DCUN1D1: variants seen among roughly 807,000 people sequenced by gnomAD.
The protein encoded by DCUN1D1 is DCN1-like protein 1.
In DCUN1D1, 3 loss-of-function variants were observed where a neutral mutation model predicts 39.0. The ratio of observed to expected loss-of-function variants is 0.08; its 90% confidence interval spans 0.04 to 0.20. The LOEUF is 0.20. DCUN1D1 is among the 10% of genes least tolerant of loss of function. DCUN1D1 has a pLI of 1.00. For synonymous variants in DCUN1D1, 82 were observed against 96.3 expected, an observed-to-expected ratio of 0.85 and a Z score of 0.87; for missense variants, 158 against 302.4, an observed-to-expected ratio of 0.52 and a Z score of 3.54.
At chr3:182,969,732 C>A (rs1727839919) in intron 1 of DCUN1D1, among the ~76,000 whole-genome samples, 1 of 151,960 alleles carries the variant, frequency 6.6e-6, no homozygotes, top group Admixed American at 6.6e-5. Flanking sequence ...TGCTTTTTAA[C>A]CCCAGCAAAA....
At chr3:182,981,587 CAG>C (rs10584271), upstream of DCUN1D1, among the ~76,000 whole-genome samples, 4,938 of 152,276 alleles carry the variant, frequency 0.032, 269 homozygotes, top group African/African-American at 0.11. Flanking sequence ...CAAACTCACT[CAG>C]AAAGTCACAT....
upstream of DCUN1D1, among the ~76,000 whole-genome samples, chr3:182,984,642 C>T (rs1728668138): frequency 1.3e-5 from 2 of 152,036 alleles, no homozygotes; most frequent in South Asian, 2.1e-4. Flanking sequence ...TCACTGTATA[C>T]CTAAAACGAT....
At chr3:182,980,569 C>T, upstream of DCUN1D1, 1 of 1,161,966 alleles carries the variant, frequency 8.6e-7, no homozygotes, top group South Asian at 2.6e-5. Flanking sequence ...GCTCCTCTCA[C>T]GGGCTTGCCC....
chr3:182,985,381 C>G (rs1327983466), upstream of DCUN1D1: 2 of 152,592 alleles, frequency 1.3e-5, no homozygotes, highest in African/African-American at 2.4e-5. Flanking sequence ...GTAATCCCAG[C>G]ACTTTGGGAG....
intron 5 of DCUN1D1, 46 bp from the exon 6 acceptor site, chr3:182,947,380 G>T: frequency 7.4e-7 from 1 of 1,360,336 alleles, no homozygotes; most frequent in Non-Finnish European, 1.0e-6. Context: ...ACTAAAAAGA[G>T]CTGCACAAAA....
chr3:182,977,545 C>A (rs1164566559), intron 1 of DCUN1D1, among the ~76,000 whole-genome samples: 1 of 152,056 alleles, frequency 6.6e-6, no homozygotes, highest in African/African-American at 2.4e-5. Flanking sequence ...CAGTGATTCT[C>A]CCGCCTCAGC....
At chr3:182,975,244 T>G (rs112593928) in intron 1 of DCUN1D1, among the ~76,000 whole-genome samples, 10,640 of 150,928 alleles carry the variant, frequency 0.07, 1,301 homozygotes, top group African/African-American at 0.24. Context: ...TGGTGCGATC[T>G]CGGCTCACTG....
chr3:182,958,605 C>T (rs921779414), intron 4 of DCUN1D1, among the ~76,000 whole-genome samples: 4 of 152,138 alleles, frequency 2.6e-5, no homozygotes, highest in Non-Finnish European at 4.4e-5. Context: ...ATTCACATTG[C>T]TGTGCCATCG....
chr3:182,971,237 G>A (rs553589227), intron 1 of DCUN1D1, among the ~76,000 whole-genome samples: 1 of 152,128 alleles, frequency 6.6e-6, no homozygotes, highest in Non-Finnish European at 1.5e-5. Context: ...ACTGTAACTA[G>A]CACATGGTAA....
At chr3:182,974,801 A>G (rs1728136551) in intron 1 of DCUN1D1, among the ~76,000 whole-genome samples, 1 of 151,934 alleles carries the variant, frequency 6.6e-6, no homozygotes, top group Non-Finnish European at 1.5e-5. Context: ...GCAGACAAGC[A>G]GCCTAATCAC....
intron 4 of DCUN1D1, among the ~76,000 whole-genome samples, chr3:182,948,219 T>A (rs567132287): frequency 6.6e-6 from 1 of 152,354 alleles, no homozygotes; most frequent in South Asian, 2.1e-4. Flanking sequence ...AGTAACCTTA[T>A]GCTCTAAATT....
chr3:182,964,412 T>A (rs1255464435), intron 2 of DCUN1D1, among the ~76,000 whole-genome samples: 1 of 152,170 alleles, frequency 6.6e-6, no homozygotes, highest in African/African-American at 2.4e-5. Context: ...AAATTCTTTT[T>A]TTCTTAGAAC....
intron 1 of DCUN1D1, among the ~76,000 whole-genome samples, chr3:182,977,476 G>A (rs1427191346): frequency 2.0e-5 from 3 of 151,444 alleles, no homozygotes; most frequent in Non-Finnish European, 1.5e-5. Flanking sequence ...TCTCGCTCTC[G>A]CCCAGGCTGG....
At position 182,978,574 on chromosome 3, in the gene DCUN1D1, T is replaced by C. The variant is rs556986460; in HGVS notation, c.3+1913A>G. Among the ~76,000 whole-genome samples, 7 of 152,260 alleles carry C rather than the reference T, an allele frequency of 4.6e-5. No individual in the cohort carries two copies. The South Asian group carries it at 1.5e-3, about 32-fold the overall frequency. On this transcript the variant is annotated intron_variant, in intron 1 of 6. Transcript: ENST00000292782. ...TCCTTGGGATGGAGTCTCACTACTATGTTGCGCAGGCTGGTCTCAAACTCC... is the reference window on the plus strand; with the variant it reads ...TCCTTGGGATGGAGTCTCACTACTACGTTGCGCAGGCTGGTCTCAAACTCC...
intron 1 of DCUN1D1, among the ~76,000 whole-genome samples, chr3:182,967,527 T>C (rs927187630): frequency 6.6e-6 from 1 of 152,216 alleles, no homozygotes; most frequent in African/African-American, 2.4e-5. Context: ...CTCTAGAATC[T>C]GATGTCAGCC....
Position 182,943,504 on chromosome 3 carries a change from C to A in DCUN1D1, c.*1590G>T, listed in dbSNP as rs1220891390. On this transcript the variant is annotated 3_prime_UTR_variant, in exon 7 of 7. Transcript: ENST00000292782. ...GTCTATTTCAAAATCATGTAAAAAG[C>A]AGTTTTGATATGTCATTGTTTCTTA... 1 of 152,342 alleles carries A rather than the reference C, an allele frequency of 6.6e-6. No individual in the cohort carries two copies. Among genetic ancestry groups the A allele is most frequent in the Non-Finnish European group, 1.5e-5 (1 of 68,002 alleles). 9.4% of individuals were successfully genotyped at this position (152,342 alleles called of 1,614,324 possible). A position where few individuals can be genotyped will look rare whatever the true frequency, so the allele number is the denominator to read the frequency against.
chr3:182,975,992 G>T (rs1728219780), intron 1 of DCUN1D1, among the ~76,000 whole-genome samples: 1 of 151,914 alleles, frequency 6.6e-6, no homozygotes, highest in Non-Finnish European at 1.5e-5. Context: ...GTCCCCAAAG[G>T]CCCAGTTTTC....
upstream of DCUN1D1, among the ~76,000 whole-genome samples, chr3:182,985,199 T>C (rs1728686594): frequency 1.3e-5 from 2 of 152,176 alleles, no homozygotes; most frequent in Non-Finnish European, 2.9e-5. Flanking sequence ...AAGCCTAACA[T>C]GAAAGCCACG....
upstream of DCUN1D1, chr3:182,980,606 C>T: frequency 1.9e-6 from 2 of 1,060,854 alleles, no homozygotes; most frequent in Non-Finnish European, 2.3e-6. Flanking sequence ...CAGTGCGGGG[C>T]GGCCCGGCGC....
Sources: allele counts gnomAD v4.1 joint callset (sites outside exome capture counted in the v4.1 genomes callset), GRCh38; gene constraint gnomAD v4.1.1; transcripts MANE v1.5; gene names NCBI Gene and HGNC (gene_info 2026-07-23, HGNC 2026-07-21).